C8A: variants seen among roughly 807,000 people sequenced by gnomAD.
C8A encodes the protein complement component C8 alpha chain.
A neutral mutation model predicts 65.3 loss-of-function variants in C8A; 67 were observed. The observed-to-expected ratio is 1.03, with a 90% CI of 0.84 to 1.26. The LOEUF is 1.26. Ranked by LOEUF, C8A falls within the 50% of genes most tolerant of loss-of-function variation. The probability of loss-of-function intolerance (pLI) is 0.00; values close to 1 mark genes in which losing one functional copy is unlikely to be tolerated. For synonymous variants in C8A, 290 were observed against 259.4 expected, an observed-to-expected ratio of 1.12 and a Z score of -1.13; for missense variants, 781 against 723.9, an observed-to-expected ratio of 1.08 and a Z score of -0.90.
Position 56,917,560 on chromosome 1 carries a change from T to A in C8A, c.1604-5T>A. ...CTTCTCCTCCCTGGGAAATTTCCTC[T>A]GCAGGAGCCAAAGCAGATGGGAGCT... On this transcript the variant is annotated splice_polypyrimidine_tract_variant and splice_region_variant and intron_variant, in intron 10 of 10. Coordinates refer to ENST00000361249, the MANE Select transcript of C8A (RefSeq NM_000562.3). The A allele has an allele frequency of 6.2e-7, 1 of 1,614,114 alleles. No homozygotes were observed. Among genetic ancestry groups the A allele is most frequent in the Non-Finnish European group, 8.5e-7 (1 of 1,179,992 alleles).
chr1:56,912,843 G>T (rs915113851), intron 10 of C8A, among the ~76,000 whole-genome samples: 2 of 152,080 alleles, frequency 1.3e-5, no homozygotes, highest in Non-Finnish European at 2.9e-5. Flanking sequence ...ACTGTTTTTC[G>T]CCAAGATGTA....
chr1:56,855,011 AC>A, intron 1 of C8A, 33 bp downstream of exon 1: 3 of 1,532,962 alleles, frequency 2.0e-6, no homozygotes, highest in Non-Finnish European at 2.7e-6. Flanking sequence ...CAAAACTTGC[AC>A]GTAGGAATCA....
chr1:56,904,074 C>A (rs1644446012), intron 7 of C8A, among the ~76,000 whole-genome samples: 1 of 152,178 alleles, frequency 6.6e-6, no homozygotes, highest in Non-Finnish European at 1.5e-5. Context: ...CCTATCTGGG[C>A]AAGTTCTTTA....
intron 2 of C8A, among the ~76,000 whole-genome samples, chr1:56,869,630 A>T (rs1458218312): frequency 6.6e-6 from 1 of 152,220 alleles, no homozygotes; most frequent in Non-Finnish European, 1.5e-5. Flanking sequence ...TATTGCCACC[A>T]GTAGTGTAAA....
intron 7 of C8A, among the ~76,000 whole-genome samples, chr1:56,905,988 A>C (rs1644461385): frequency 6.6e-6 from 1 of 152,198 alleles, no homozygotes; most frequent in South Asian, 2.1e-4. Context: ...AGATGTAGAC[A>C]AATACAGAGA....
chr1:56,867,455 TC>T (rs1370349018), intron 1 of C8A, among the ~76,000 whole-genome samples, 153 bp from the exon 2 acceptor site: 3 of 152,216 alleles, frequency 2.0e-5, no homozygotes, highest in Admixed American at 6.5e-5. Context: ...CTCTCTCATT[TC>T]TGTTGGCATT....
rs74075632 is a variant in C8A at position 56,877,080 on chromosome 1, T to C, written c.464+871T>C. Among the ~76,000 whole-genome samples, 488 of 152,294 alleles carry C rather than the reference T, an allele frequency of 3.2e-3. 3 individuals carry two copies. Among genetic ancestry groups the C allele is most frequent in the African/African-American group, 0.012 (483 of 41,552 alleles). ...CAAAGATATACCAGCGATCTCTCTC[T>C]TTCCACACATGCATAGCCAATGAGA... On this transcript the variant is annotated intron_variant, in intron 4 of 10. Coordinates refer to ENST00000361249, the MANE Select transcript of C8A (RefSeq NM_000562.3).
chr1:56,913,110 C>A (rs1644523225), intron 10 of C8A, among the ~76,000 whole-genome samples: 1 of 152,112 alleles, frequency 6.6e-6, no homozygotes, highest in Non-Finnish European at 1.5e-5. Flanking sequence ...ATGCATCGCT[C>A]CAGTCTCTGC....
chr1:56,855,581 G>A (rs1467450962), intron 1 of C8A, among the ~76,000 whole-genome samples: 9 of 151,148 alleles, frequency 6.0e-5, no homozygotes, highest in Non-Finnish European at 1.3e-4. Flanking sequence ...AGTTTCATAT[G>A]TACATTGTGT....
rs745348238 is a variant in C8A, at chr1:56,912,444, G to A, written c.1422G>A (p.Gly474=). 8 of 1,614,106 alleles carry A rather than the reference G, an allele frequency of 5.0e-6. No individual in the cohort carries two copies. Among genetic ancestry groups the A allele is most frequent in the Admixed American group, 1.7e-5 (1 of 60,014 alleles). Reference sequence around the variant, plus strand: ...AGGTGCTGCGGCACACAAGCCTGGGGCCTCTGGAGGCCAAGCGCCAGAACC... The same window carrying A: ...AGGTGCTGCGGCACACAAGCCTGGGACCTCTGGAGGCCAAGCGCCAGAACC... ...IHEVLRHTSL[G]PLEAKRQNLR... Residue 474 remains glycine (G), a synonymous_variant, in exon 10 of 11, where the codon GGG becomes GGA. Transcript: ENST00000361249.
intron 1 of C8A, among the ~76,000 whole-genome samples, chr1:56,863,386 ATGTATGCCTC>A (rs1644052978): frequency 6.6e-6 from 1 of 152,198 alleles, no homozygotes; most frequent in African/African-American, 2.4e-5. Flanking sequence ...TAGCATTAGC[ATGTATGCCTC>A]TGTCTAGACT....
Position 56,907,971 on chromosome 1 carries a change from C to A in C8A, c.1238C>A (p.Ala413Asp). Reference protein sequence around the residue: ...GGGKTERARKAMAVEDIISRV... With the variant: ...GGGKTERARKDMAVEDIISRV... ...TTGATGGCAGAAAGGGCCAGGAAGG[C>A]CATGGCTGTGGAAGACATTATTTCT... The change falls in exon 9 of 11, where the codon GCC becomes GAC. Residue 413 changes from alanine to aspartate, a missense_variant. Transcript: ENST00000361249. The A allele has an allele frequency of 6.2e-7, 1 of 1,614,172 alleles. No individual in the cohort carries two copies. Among genetic ancestry groups the A allele is most frequent in the South Asian group, 1.1e-5 (1 of 91,076 alleles).
intron 1 of C8A, among the ~76,000 whole-genome samples, chr1:56,864,128 C>T (rs576577663): frequency 4.1e-4 from 63 of 152,094 alleles, no homozygotes; most frequent in African/African-American, 1.2e-3. Context: ...CAGAGATTGA[C>T]GAAATCATAT....
At chr1:56,897,176 T>C (rs1340671961) in intron 7 of C8A, among the ~76,000 whole-genome samples, 1 of 152,132 alleles carries the variant, frequency 6.6e-6, no homozygotes, top group Non-Finnish European at 1.5e-5. Flanking sequence ...ATTAAGGGAG[T>C]ATTATTTTTA....
intron 6 of C8A, among the ~76,000 whole-genome samples, chr1:56,884,013 G>A (rs1013943752): frequency 1.3e-5 from 2 of 151,018 alleles, no homozygotes; most frequent in Admixed American, 1.3e-4. Flanking sequence ...ATTTCACTTG[G>A]AAGAATTGTA....
chr1:56,885,324 AT>A (rs1644282925), intron 6 of C8A, among the ~76,000 whole-genome samples: 2 of 132,788 alleles, frequency 1.5e-5, no homozygotes, highest in African/African-American at 2.9e-5. Context: ...AAATATATTT[AT>A]TTAAATATAT....
intron 1 of C8A, among the ~76,000 whole-genome samples, chr1:56,855,698 A>G (rs1349874046): frequency 6.6e-6 from 1 of 150,420 alleles, no homozygotes; most frequent in East Asian, 2.0e-4. Flanking sequence ...CCTTTATTTC[A>G]CCTTCGGGAT....
rs572619074 is a variant in C8A at position 56,879,320 on chromosome 1, C to A, written c.465-2125C>A. ...ACATTCTTGTACACATAGTTTTGTA[C>A]ACATGTGTGGATATTTCTGCATAGT... On this transcript the variant is annotated intron_variant, in intron 4 of 10. Transcript: ENST00000361249. Among the ~76,000 whole-genome samples the A allele has an allele frequency of 2.4e-4, 36 of 152,318 alleles. No individual in the cohort carries two copies. The South Asian group carries it at 6.2e-3, about 26-fold the overall frequency.
chr1:56,866,674 T>C (rs1644091352), intron 1 of C8A, among the ~76,000 whole-genome samples: 1 of 152,234 alleles, frequency 6.6e-6, no homozygotes, highest in Non-Finnish European at 1.5e-5. Flanking sequence ...TTAACAGTGT[T>C]CCCACTTTCC....
Sources: allele counts gnomAD v4.1 joint callset (sites outside exome capture counted in the v4.1 genomes callset), GRCh38; gene constraint gnomAD v4.1.1; transcripts MANE v1.5; gene names NCBI Gene and HGNC (gene_info 2026-07-23, HGNC 2026-07-21).